Variants in TLL2 observed in about 807,000 individuals in gnomAD.
The protein encoded by TLL2 is tolloid-like protein 2.
A neutral mutation model predicts 123.0 loss-of-function variants in TLL2; 106 were observed. The observed-to-expected ratio is 0.86, with a 90% CI of 0.74 to 1.01. The LOEUF is 1.01. Ranked by LOEUF, TLL2 falls within the 50% of genes least tolerant of loss-of-function variation. The probability of loss-of-function intolerance (pLI) is 0.00; values close to 1 mark genes in which losing one functional copy is unlikely to be tolerated. For missense variants in TLL2, 1,332 were observed against 1,336.7 expected (o/e 1.00, Z 0.06); for synonymous variants, 494 against 516.8 (o/e 0.96, Z 0.60).
intron 2 of TLL2, among the ~76,000 whole-genome samples, chr10:96,453,022 G>C (rs919478130): frequency 6.6e-6 from 1 of 152,144 alleles, no homozygotes; most frequent in Non-Finnish European, 1.5e-5. Context: ...AAAGACCATT[G>C]CCAGATTTTG....
At chr10:96,432,731 C>T (rs1233788361) in intron 4 of TLL2, 76 bp downstream of exon 4, 1 of 1,551,380 alleles carries the variant, frequency 6.4e-7, no homozygotes, top group Non-Finnish European at 8.7e-7. Flanking sequence ...CACCCGGGTC[C>T]TTCCTAGAAG....
At chr10:96,393,703 C>T (rs1269444015) in intron 13 of TLL2, among the ~76,000 whole-genome samples, 1 of 150,670 alleles carries the variant, frequency 6.6e-6, no homozygotes, top group Non-Finnish European at 1.5e-5. Flanking sequence ...TTTCAAAATA[C>T]AAGTGCTATG....
rs374653766 is a variant in TLL2 at position 96,395,306 on chromosome 10, C to A, written c.1607G>T (p.Gly536Val). 9 of 1,613,970 alleles carry A rather than the reference C, an allele frequency of 5.6e-6. No homozygotes were observed. The highest frequency in any genetic ancestry group is 7.6e-6 in the Non-Finnish European group (9 of 1,179,978). The stretch of plus-strand genomic sequence containing the variant: ...CGGCTTCTCATAGCCACAAAAGTGG[C>A]CGATCAGGGCACTCTCTTCCGTGGG... ...DGPTEESALI[G>V]HFCGYEKPED... The change falls in exon 13 of 21, where the codon GGC becomes GTC. Residue 536 changes from glycine to valine, a missense_variant. By Grantham distance (109) the Gly-to-Val change is moderately radical. Transcript: ENST00000357947.
chr10:96,370,546 G>A (rs1198201133), intron 19 of TLL2, among the ~76,000 whole-genome samples: 2 of 152,202 alleles, frequency 1.3e-5, no homozygotes, highest in Non-Finnish European at 2.9e-5. Flanking sequence ...TTCCCAGCTT[G>A]AGAATACGTG....
intron 17 of TLL2, among the ~76,000 whole-genome samples, chr10:96,378,065 AC>A (rs1266638799): frequency 1.3e-5 from 2 of 152,056 alleles, no homozygotes; most frequent in Non-Finnish European, 2.9e-5. Flanking sequence ...CCCCTCCGCC[AC>A]CTGTGACCAT....
At chr10:96,375,201 G>A (rs12268526) in intron 18 of TLL2, 82,681 of 152,228 alleles carry the variant, frequency 0.54, 23,809 homozygotes, top group Non-Finnish European at 0.65. Flanking sequence ...CAGTGGAAGG[G>A]AGCCTTAGGC....
In TLL2 at chr10:96,367,927, A is replaced by AGGT; in HGVS notation, c.*160_*161insACC. 1 of 869,346 alleles carries AGGT rather than the reference A, an allele frequency of 1.2e-6. No individual in the cohort carries two copies. The highest frequency in any genetic ancestry group is 1.7e-6 in the Non-Finnish European group (1 of 592,068). The allele number at this position is 869,346 out of a possible 1,614,324, so 53.9% of individuals were successfully genotyped here. A position where few individuals can be genotyped will look rare whatever the true frequency, so the allele number is the denominator to read the frequency against. On this transcript the variant is annotated 3_prime_UTR_variant, in exon 21 of 21. Coordinates refer to ENST00000357947, the MANE Select transcript of TLL2 (RefSeq NM_012465.4). ...CTCCACCTTGTTGGCCAAACTTACAAGACTTTCATTCAAATATATACCTCT... is the reference window on the plus strand; with the variant it reads ...CTCCACCTTGTTGGCCAAACTTACAAGGTGACTTTCATTCAAATATATACCTCT...
At chr10:96,395,077 C>T (rs1183541958) in intron 13 of TLL2, 110 bp downstream of exon 13, 3 of 1,186,100 alleles carry the variant, frequency 2.5e-6, no homozygotes, top group Admixed American at 2.5e-5. Flanking sequence ...CTTTTCTCTG[C>T]AGGGAGCCTT....
At position 96,367,786 on chromosome 10, in the gene TLL2, G is replaced by A. The variant is rs1846042616; in HGVS notation, c.*302C>T. 1 of 293,428 alleles carries A rather than the reference G, an allele frequency of 3.4e-6. No homozygotes were observed. The highest frequency in any genetic ancestry group is 6.6e-6 in the Non-Finnish European group (1 of 151,468). 18.2% of individuals were successfully genotyped at this position (293,428 alleles called of 1,614,324 possible). A position where few individuals can be genotyped will look rare whatever the true frequency, so the allele number is the denominator to read the frequency against. ...TTTGCCACATAGGAGCAAGGGACAA[G>A]GAGAATGGTATGAAGAAGCATAGCC... On this transcript the variant is annotated 3_prime_UTR_variant, in exon 21 of 21. Transcript: ENST00000357947.
intron 8 of TLL2, among the ~76,000 whole-genome samples, chr10:96,412,779 T>C (rs1186312507): frequency 6.6e-6 from 1 of 152,168 alleles, no homozygotes; most frequent in Non-Finnish European, 1.5e-5. Flanking sequence ...CCCTCACTCT[T>C]TGTCTTCCTG....
At chr10:96,459,113 A>G (rs1460729832) in intron 2 of TLL2, among the ~76,000 whole-genome samples, 1 of 152,220 alleles carries the variant, frequency 6.6e-6, no homozygotes, top group African/African-American at 2.4e-5. Context: ...ATGTTCCTCA[A>G]TGGAAGGGGT....
At chr10:96,454,320 G>A (rs935319831) in intron 2 of TLL2, among the ~76,000 whole-genome samples, 2 of 152,312 alleles carry the variant, frequency 1.3e-5, no homozygotes, top group South Asian at 2.1e-4. Flanking sequence ...TCCTGCCTGG[G>A]TCCTGGCACT....
In TLL2 at chr10:96,491,198, C is replaced by T. The variant is rs563906855; in HGVS notation, c.176-10739G>A. On this transcript the variant is annotated intron_variant, in intron 1 of 20. Transcript: ENST00000357947. The stretch of plus-strand genomic sequence containing the variant: ...GAGTTCAAGACCAGCCTGGCCAAAA[C>T]GGTGAAACCCCATCTCTACTAAAAA... Among the ~76,000 whole-genome samples, 24 of 151,992 alleles carry T rather than the reference C, an allele frequency of 1.6e-4. No individual in the cohort carries two copies. In the Middle Eastern group the frequency reaches 0.017, roughly 108 times the overall value.
intron 1 of TLL2, among the ~76,000 whole-genome samples, chr10:96,509,661 G>A (rs1847608780): frequency 6.6e-6 from 1 of 152,216 alleles, no homozygotes; most frequent in African/African-American, 2.4e-5. Context: ...ACTAAAACTG[G>A]CCTTGGCCGG....
intron 13 of TLL2, among the ~76,000 whole-genome samples, chr10:96,391,480 A>G (rs1846287463): frequency 6.6e-6 from 1 of 152,166 alleles, no homozygotes; most frequent in Non-Finnish European, 1.5e-5. Flanking sequence ...CTAAGGAAAA[A>G]TTCCACCCCC....
chr10:96,414,722 G>C (rs1033028207), intron 7 of TLL2, among the ~76,000 whole-genome samples: 2 of 151,940 alleles, frequency 1.3e-5, no homozygotes, highest in Non-Finnish European at 2.9e-5. Context: ...TATATCCAAC[G>C]TGCTCAAAAC....
At chr10:96,420,659 CAG>C (rs781660810) in intron 7 of TLL2, among the ~76,000 whole-genome samples, 1 of 152,378 alleles carries the variant, frequency 6.6e-6, no homozygotes, top group Non-Finnish European at 1.5e-5. Flanking sequence ...AAATTTGACA[CAG>C]AGCCTCTAAG....
At chr10:96,418,173 CT>C (rs557435313) in intron 7 of TLL2, among the ~76,000 whole-genome samples, 20 of 152,194 alleles carry the variant, frequency 1.3e-4, no homozygotes, top group African/African-American at 4.8e-4. Context: ...TGGTTATCCC[CT>C]GAGGGACAAA....
At chr10:96,469,914 C>G (rs1203879650) in intron 2 of TLL2, among the ~76,000 whole-genome samples, 2 of 152,158 alleles carry the variant, frequency 1.3e-5, no homozygotes, top group East Asian at 3.9e-4. Context: ...TGGGGAATGA[C>G]AGGCTAGGAG....
Sources: allele counts gnomAD v4.1 joint callset (sites outside exome capture counted in the v4.1 genomes callset), GRCh38; gene constraint gnomAD v4.1.1; transcripts MANE v1.5; gene names NCBI Gene and HGNC (gene_info 2026-07-23, HGNC 2026-07-21).